Variants in CNTNAP5 observed in about 807,000 individuals in gnomAD.
CNTNAP5 encodes contactin-associated protein-like 5.
CNTNAP5 carries 72 observed loss-of-function variants against 150.2 expected under a neutral mutation model. That is an observed-to-expected ratio of 0.48 (90% CI 0.40 to 0.58). The LOEUF (loss-of-function observed/expected upper bound fraction) is 0.58, where lower values mean the gene tolerates loss of function less well. Ranked by LOEUF, CNTNAP5 falls within the 20% of genes least tolerant of loss-of-function variation. CNTNAP5 has a pLI of 0.00. For missense variants in CNTNAP5, 1,636 were observed against 1,626.2 expected, an observed-to-expected ratio of 1.01 and a Z score of -0.10; for synonymous variants, 672 against 619.8, an observed-to-expected ratio of 1.08 and a Z score of -1.25.
intron 10 of CNTNAP5, among the ~76,000 whole-genome samples, chr2:124,535,954 T>A (rs1354790265): frequency 6.6e-6 from 1 of 152,166 alleles, no homozygotes; most frequent in Non-Finnish European, 1.5e-5. Flanking sequence ...CCACCCTGTG[T>A]GTGGGAGCTT....
chr2:124,657,348 C>T (rs2105039975), intron 13 of CNTNAP5, among the ~76,000 whole-genome samples: 1 of 152,256 alleles, frequency 6.6e-6, no homozygotes, highest in Non-Finnish European at 1.5e-5. Context: ...GTAAATGCTA[C>T]CTTCATCTAC....
chr2:124,122,956 A>G (rs1002276249), intron 1 of CNTNAP5, among the ~76,000 whole-genome samples: 1 of 152,032 alleles, frequency 6.6e-6, no homozygotes, highest in Non-Finnish European at 1.5e-5. Context: ...TCAGTCCAAG[A>G]TGGCCAAATA....
chr2:124,293,578 T>C (rs1436485519), intron 3 of CNTNAP5, among the ~76,000 whole-genome samples: 1 of 152,026 alleles, frequency 6.6e-6, no homozygotes, highest in Non-Finnish European at 1.5e-5. Flanking sequence ...CTTGTGAAAA[T>C]TATTTTTAAA....
At chr2:124,692,132 A>G (rs1679312257) in intron 13 of CNTNAP5, among the ~76,000 whole-genome samples, 1 of 152,146 alleles carries the variant, frequency 6.6e-6, no homozygotes, top group Non-Finnish European at 1.5e-5. Context: ...GGTGCCAGAC[A>G]CATGAGTGAA....
intron 8 of CNTNAP5, among the ~76,000 whole-genome samples, chr2:124,510,810 T>C (rs1401718430): frequency 6.6e-6 from 1 of 152,158 alleles, no homozygotes; most frequent in Non-Finnish European, 1.5e-5. Context: ...TGGAAAGCCA[T>C]GAGTTTCACT....
chr2:124,227,633 C>CGTGTGTGT lies in CNTNAP5; in HGVS notation c.187+5830_187+5831insGTGTGTGT, dbSNP rs760848365. On this transcript the variant is annotated intron_variant, in intron 2 of 23. Coordinates refer to ENST00000682447, the MANE Select transcript of CNTNAP5 (RefSeq NM_001367498.1). Reference sequence around the variant, plus strand: ...TTATACAAATATAAACTCAGCACATCGTGTGTATGTGTGTGTGTGTGTGTG... The same window carrying CGTGTGTGT: ...TTATACAAATATAAACTCAGCACATCGTGTGTGTGTGTGTATGTGTGTGTGTGTGTGTG... Among the ~76,000 whole-genome samples the CGTGTGTGT allele has an allele frequency of 8.4e-3, 1,022 of 122,076 alleles. 5 individuals are homozygous for CGTGTGTGT. The highest frequency in any genetic ancestry group is 8.7e-3 in the Non-Finnish European group (516 of 59,002). The allele number at this position is 122,076 out of a possible 152,430, so 80.1% of individuals were successfully genotyped here. A position where few individuals can be genotyped will look rare whatever the true frequency, so the allele number is the denominator to read the frequency against.
chr2:124,041,238 T>C (rs935493259), intron 1 of CNTNAP5, among the ~76,000 whole-genome samples: 5 of 152,240 alleles, frequency 3.3e-5, no homozygotes, highest in African/African-American at 1.2e-4. Flanking sequence ...GATTTCTATG[T>C]CTTCTGCATA....
intron 19 of CNTNAP5, among the ~76,000 whole-genome samples, chr2:124,853,587 A>T (rs138312971): frequency 6.6e-6 from 1 of 152,122 alleles, no homozygotes; most frequent in Non-Finnish European, 1.5e-5. Flanking sequence ...TTGTTTTCCA[A>T]ACTAAGTTCT....
At chr2:124,556,548 G>A (rs1695759528) in intron 10 of CNTNAP5, among the ~76,000 whole-genome samples, 1 of 152,076 alleles carries the variant, frequency 6.6e-6, no homozygotes, top group Non-Finnish European at 1.5e-5. Flanking sequence ...CTCTTGTGTT[G>A]GGAATTAACT....
At chr2:124,822,833 GA>G (rs1370959358) in intron 19 of CNTNAP5, among the ~76,000 whole-genome samples, 4 of 151,998 alleles carry the variant, frequency 2.6e-5, no homozygotes, top group South Asian at 2.1e-4. Flanking sequence ...AAATTTTAAA[GA>G]AAAAAAACTT....
At chr2:124,749,323 C>CT (rs917155511) in intron 14 of CNTNAP5, among the ~76,000 whole-genome samples, 7 of 151,958 alleles carry the variant, frequency 4.6e-5, no homozygotes, top group African/African-American at 1.7e-4. Context: ...ACTCTTGACT[C>CT]TGACCCCTCC....
chr2:124,476,144 T>G (rs1373429824), intron 7 of CNTNAP5, among the ~76,000 whole-genome samples: 1 of 152,138 alleles, frequency 6.6e-6, no homozygotes, highest in African/African-American at 2.4e-5. Context: ...TAATTTCCAT[T>G]GACATCCCTT....
intron 11 of CNTNAP5, among the ~76,000 whole-genome samples, chr2:124,592,695 C>T (rs1294261698): frequency 1.3e-5 from 2 of 151,776 alleles, no homozygotes; most frequent in African/African-American, 4.8e-5. Flanking sequence ...TTCATTAGCA[C>T]TTATTTTTCT....
intron 1 of CNTNAP5, among the ~76,000 whole-genome samples, chr2:124,028,869 A>G (rs1680966868): frequency 6.6e-6 from 1 of 152,110 alleles, no homozygotes; most frequent in Admixed American, 6.5e-5. Context: ...CCAAAACAGA[A>G]CAGCAGGTAA....
At chr2:124,740,561 A>G (rs1345108811) in intron 13 of CNTNAP5, among the ~76,000 whole-genome samples, 1 of 152,156 alleles carries the variant, frequency 6.6e-6, no homozygotes, top group South Asian at 2.1e-4. Context: ...TGGGAAAGAC[A>G]CTAGCGGTTT....
chr2:124,290,332 T>C (rs1688253679), intron 3 of CNTNAP5, among the ~76,000 whole-genome samples: 1 of 152,168 alleles, frequency 6.6e-6, no homozygotes, highest in Non-Finnish European at 1.5e-5. Context: ...CTACAATTAT[T>C]TTCCACCTTC....
At chr2:124,688,375 G>A (rs930481420) in intron 13 of CNTNAP5, among the ~76,000 whole-genome samples, 1 of 152,002 alleles carries the variant, frequency 6.6e-6, no homozygotes, top group African/African-American at 2.4e-5. Flanking sequence ...GATATTATTT[G>A]CTGGGATGTT....
intron 1 of CNTNAP5, among the ~76,000 whole-genome samples, chr2:124,167,604 G>T (rs1422790299): frequency 6.6e-6 from 1 of 152,120 alleles, no homozygotes; most frequent in Non-Finnish European, 1.5e-5. Context: ...GAAAATAATT[G>T]TGGGGCAATG....
chr2:124,520,633 T>G (rs1377853685), intron 8 of CNTNAP5, among the ~76,000 whole-genome samples: 4 of 152,140 alleles, frequency 2.6e-5, no homozygotes, highest in Non-Finnish European at 5.9e-5. Flanking sequence ...GGAACCCAAA[T>G]CCCATCTTTT....
Sources: allele counts gnomAD v4.1 joint callset (sites outside exome capture counted in the v4.1 genomes callset), GRCh38; gene constraint gnomAD v4.1.1; transcripts MANE v1.5; gene names NCBI Gene and HGNC (gene_info 2026-07-23, HGNC 2026-07-21).